The following LRRC4C variants were observed in gnomAD, a reference collection of about 807,000 sequenced individuals.
LRRC4C encodes the protein leucine rich repeat containing 4C.
In LRRC4C, 5 loss-of-function variants were observed where a neutral mutation model predicts 33.6. The ratio of observed to expected loss-of-function variants is 0.15; its 90% CI spans 0.08 to 0.31. The LOEUF (loss-of-function observed/expected upper bound fraction) is 0.31. Among genes scored for constraint, LRRC4C ranks in the 10% least tolerant of loss-of-function variants. The probability of loss-of-function intolerance (pLI) is 1.00; values close to 1 mark genes in which losing one functional copy is unlikely to be tolerated. For synonymous variants in LRRC4C, 329 were observed against 302.0 expected (o/e 1.09, Z -0.93); for missense variants, 560 against 796.7 (o/e 0.70, Z 3.58).
intron 3 of LRRC4C, among the ~76,000 whole-genome samples, chr11:40,517,816 A>G (rs1038390788): frequency 1.3e-5 from 2 of 152,152 alleles, no homozygotes; most frequent in African/African-American, 4.8e-5. Flanking sequence ...AATCATAAAC[A>G]AAAAGAACAA....
chr11:40,581,496 G>GT (rs1461363082), intron 3 of LRRC4C, among the ~76,000 whole-genome samples: 1 of 151,996 alleles, frequency 6.6e-6, no homozygotes, highest in Non-Finnish European at 1.5e-5. Flanking sequence ...ATTTTCTTAT[G>GT]TTTCTGTTTT....
intron 1 of LRRC4C, among the ~76,000 whole-genome samples, chr11:41,106,618 G>C (rs562024742): frequency 6.6e-6 from 1 of 152,080 alleles, no homozygotes; most frequent in African/African-American, 2.4e-5. Flanking sequence ...GCTTTCAGTA[G>C]TTATTTGGCT....
intron 3 of LRRC4C, among the ~76,000 whole-genome samples, chr11:40,562,472 G>A (rs370104019): frequency 2.9e-4 from 44 of 152,154 alleles, no homozygotes; most frequent in Admixed American, 1.1e-3. Context: ...CATACTTTAT[G>A]TTAAATCATT....
rs556000938 is a variant in LRRC4C, at chr11:40,124,275, T to C, written c.-42-7941A>G. 2.5e-3 allele frequency among the ~76,000 whole-genome samples: 377 copies of C among 152,278 alleles called. 4 individuals carry two copies. The highest frequency in any genetic ancestry group is 8.7e-3 in the African/African-American group (361 of 41,566). On this transcript the variant is annotated intron_variant, in intron 6 of 6. Coordinates refer to ENST00000528697, the MANE Select transcript of LRRC4C (RefSeq NM_001258419.2). ...CTTCAAAAAACTAAAAATATAACTA[T>C]AATATAATCCAGCAGTTCCACTGCT...
intron 1 of LRRC4C, among the ~76,000 whole-genome samples, chr11:41,166,525 T>C (rs1332596946): frequency 6.6e-6 from 1 of 152,176 alleles, no homozygotes; most frequent in Non-Finnish European, 1.5e-5. Flanking sequence ...GGGTTTTTAT[T>C]TTGACAAATT....
At chr11:40,473,099 T>C (rs891042250) in intron 3 of LRRC4C, among the ~76,000 whole-genome samples, 11 of 152,186 alleles carry the variant, frequency 7.2e-5, no homozygotes, top group African/African-American at 1.7e-4. Flanking sequence ...CCCTAACTCA[T>C]TCTATGAAAC....
At chr11:40,646,605 T>TTC (rs1326512810) in intron 3 of LRRC4C, among the ~76,000 whole-genome samples, 1 of 151,906 alleles carries the variant, frequency 6.6e-6, no homozygotes, top group East Asian at 1.9e-4. Flanking sequence ...GATTCAAATC[T>TTC]TCTCTCTCTC....
At chr11:40,836,863 C>T (rs1195775108) in intron 2 of LRRC4C, among the ~76,000 whole-genome samples, 1 of 152,166 alleles carries the variant, frequency 6.6e-6, no homozygotes, top group Non-Finnish European at 1.5e-5. Flanking sequence ...ATTATTACCT[C>T]ATCCACCATT....
chr11:41,392,880 G>GT (rs1484249976), intron 1 of LRRC4C, among the ~76,000 whole-genome samples: 6 of 151,846 alleles, frequency 4.0e-5, no homozygotes, highest in African/African-American at 9.7e-5. Flanking sequence ...GAACCTGCCA[G>GT]TTTAAGACTT....
intron 2 of LRRC4C, among the ~76,000 whole-genome samples, chr11:40,663,072 G>GATTTATTT (rs748925521): frequency 1.3e-5 from 2 of 151,942 alleles, no homozygotes; most frequent in East Asian, 1.9e-4. Flanking sequence ...GGATAAGATA[G>GATTTATTT]ATTTATTTAT....
At chr11:40,921,306 C>A (rs1335896097) in intron 2 of LRRC4C, among the ~76,000 whole-genome samples, 1 of 152,068 alleles carries the variant, frequency 6.6e-6, no homozygotes, top group Non-Finnish European at 1.5e-5. Context: ...AAATTTGAAA[C>A]AGAAAAGTAA....
rs550032802 is a variant in LRRC4C at position 41,189,360 on chromosome 11, G to A, written c.-495-255637C>T. 7.2e-5 allele frequency among the ~76,000 whole-genome samples: 11 copies of A among 152,160 alleles called. 1 individual carries two copies. In the South Asian group the frequency reaches 2.3e-3, roughly 32 times the overall value. On this transcript the variant is annotated intron_variant, in intron 1 of 6. Transcript: ENST00000528697. ...GGCTGAGGGAACAAGAAGAATAAAG[G>A]CTTTGAGGTGAGATAGACCTTGCGG...
chr11:40,589,382 A>T (rs1366079559), intron 3 of LRRC4C, among the ~76,000 whole-genome samples: 2 of 152,128 alleles, frequency 1.3e-5, no homozygotes, highest in African/African-American at 4.8e-5. Flanking sequence ...TCTGCACGTG[A>T]GATGGGTTTC....
chr11:40,683,301 A>G (rs574450451), intron 2 of LRRC4C, among the ~76,000 whole-genome samples: 2 of 152,280 alleles, frequency 1.3e-5, no homozygotes, highest in South Asian at 2.1e-4. Flanking sequence ...CCCACATGAC[A>G]CTGTGCCATT....
At chr11:40,274,497 A>G (rs1463839403) in intron 4 of LRRC4C, among the ~76,000 whole-genome samples, 1 of 151,542 alleles carries the variant, frequency 6.6e-6, no homozygotes, top group Non-Finnish European at 1.5e-5. Context: ...GGACTTGGCT[A>G]GACATGGATA....
intron 3 of LRRC4C, chr11:40,351,611 C>T (rs1045845653): frequency 2.6e-5 from 4 of 152,038 alleles, no homozygotes; most frequent in Non-Finnish European, 1.5e-5. Context: ...CAGTCAGTTA[C>T]ATATTGAATT....
intron 3 of LRRC4C, among the ~76,000 whole-genome samples, chr11:40,542,493 A>T (rs1956761520): frequency 6.6e-6 from 1 of 152,058 alleles, no homozygotes; most frequent in Non-Finnish European, 1.5e-5. Flanking sequence ...ATTGCTTTTT[A>T]TCTGCAGAGA....
At chr11:41,080,455 G>A (rs572206834) in intron 1 of LRRC4C, among the ~76,000 whole-genome samples, 2 of 150,112 alleles carry the variant, frequency 1.3e-5, no homozygotes, top group East Asian at 2.0e-4. Flanking sequence ...GGGTACAAGC[G>A]ATTCTCCTAC....
At chr11:41,275,821 TC>T (rs1949466343) in intron 1 of LRRC4C, among the ~76,000 whole-genome samples, 1 of 152,206 alleles carries the variant, frequency 6.6e-6, no homozygotes, top group African/African-American at 2.4e-5. Context: ...AAACAGATGT[TC>T]ATTATATATC....
Sources: allele counts gnomAD v4.1 joint callset (sites outside exome capture counted in the v4.1 genomes callset), GRCh38; gene constraint gnomAD v4.1.1; transcripts MANE v1.5; gene names NCBI Gene and HGNC (gene_info 2026-07-23, HGNC 2026-07-21).